FAM240B: variants seen among roughly 807,000 people sequenced by gnomAD.
The protein encoded by FAM240B is protein FAM240B.
At chr9:38,696,094 G>A (rs755095812) in intron 2 of FAM240B, among the ~76,000 whole-genome samples, 1 of 152,120 alleles carries the variant, frequency 6.6e-6, no homozygotes, top group South Asian at 2.1e-4. Context: ...AACTCTGCTC[G>A]ATTATGGGCC....
intron 2 of FAM240B, among the ~76,000 whole-genome samples, chr9:38,702,585 G>A (rs1329163015): frequency 1.3e-5 from 2 of 152,198 alleles, no homozygotes; most frequent in South Asian, 2.1e-4. Flanking sequence ...GGCATTTGAC[G>A]TGTGAGGGTA....
intron 1 of FAM240B, among the ~76,000 whole-genome samples, chr9:38,704,670 C>G (rs1160146186): frequency 6.6e-6 from 1 of 152,124 alleles, no homozygotes; most frequent in Non-Finnish European, 1.5e-5. Context: ...TGGCCAACAC[C>G]CAGTAAACAG....
intron 1 of FAM240B, among the ~76,000 whole-genome samples, chr9:38,709,372 GC>G (rs1281388665): frequency 1.3e-5 from 2 of 152,152 alleles, no homozygotes; most frequent in African/African-American, 4.8e-5. Flanking sequence ...AGAATTGATA[GC>G]AATTTTAGAA....
At chr9:38,695,967 C>G (rs1587587729) in intron 2 of FAM240B, among the ~76,000 whole-genome samples, 1 of 152,192 alleles carries the variant, frequency 6.6e-6, no homozygotes, top group Non-Finnish European at 1.5e-5. Context: ...ACAAATGGTG[C>G]TGGAACATTA....
intron 1 of FAM240B, among the ~76,000 whole-genome samples, chr9:38,712,628 C>T (rs1457717967): frequency 1.3e-5 from 2 of 152,158 alleles, no homozygotes; most frequent in East Asian, 3.8e-4. Context: ...TTTCACAGCA[C>T]CCAGAATGTC....
chr9:38,715,148 C>T (rs1456555862), intron 1 of FAM240B, among the ~76,000 whole-genome samples: 1 of 152,146 alleles, frequency 6.6e-6, no homozygotes, highest in Admixed American at 6.5e-5. Context: ...GCATTGTTTG[C>T]CTGAGGAACA....
chr9:38,700,986 TA>T (rs1275697774), intron 2 of FAM240B, among the ~76,000 whole-genome samples: 1 of 152,228 alleles, frequency 6.6e-6, no homozygotes, highest in African/African-American at 2.4e-5. Flanking sequence ...GAGAGGAACG[TA>T]AGACATTACT....
rs756368433 is a variant in FAM240B, at chr9:38,704,016, G to C, written c.-3-14C>G. On this transcript the variant is annotated splice_polypyrimidine_tract_variant and intron_variant, in intron 1 of 2. Coordinates refer to ENST00000637493, the MANE Select transcript of FAM240B (RefSeq NM_001394922.1). The stretch of plus-strand genomic sequence containing the variant: ...ATTGTTCATCCCCTGAAATATACAA[G>C]TAAAGCAAATCCCACTTCTTTAAAT... The C allele has an allele frequency of 1.4e-5, 5 of 352,438 alleles. No homozygotes were observed. The Admixed American group carries it at 2.4e-4, about 17-fold the overall frequency. 21.8% of individuals were successfully genotyped at this position (352,438 alleles called of 1,614,324 possible). A position where few individuals can be genotyped will look rare whatever the true frequency, so the allele number is the denominator to read the frequency against.
intron 2 of FAM240B, among the ~76,000 whole-genome samples, chr9:38,702,752 A>C (rs1401315429): frequency 6.6e-6 from 1 of 150,632 alleles, no homozygotes; most frequent in Non-Finnish European, 1.5e-5. Context: ...GAATCTTGGT[A>C]CATATTATCC....
chr9:38,700,905 C>G (rs1821118416), intron 2 of FAM240B, among the ~76,000 whole-genome samples: 1 of 152,208 alleles, frequency 6.6e-6, no homozygotes, highest in African/African-American at 2.4e-5. Flanking sequence ...AGTCACTGAA[C>G]CCACAGGTGT....
At chr9:38,714,411 G>A (rs956659855) in intron 1 of FAM240B, among the ~76,000 whole-genome samples, 2 of 152,188 alleles carry the variant, frequency 1.3e-5, no homozygotes, top group African/African-American at 4.8e-5. Flanking sequence ...AATTACTGTG[G>A]TGGTTTTAAC....
chr9:38,710,668 G>T, intron 1 of FAM240B, among the ~76,000 whole-genome samples: 1 of 151,820 alleles, frequency 6.6e-6, no homozygotes, highest in South Asian at 2.1e-4. Flanking sequence ...TTCAGAAATG[G>T]AGCAGGTCTG....
Position 38,707,472 on chromosome 9 carries a change from T to C in FAM240B, c.-3-3470A>G, listed in dbSNP as rs72721514. ...TCTACACACCCAAGGAGTAAATTAA[T>C]TCAGGGTGAACCTGGGCCAGACGTG... On this transcript the variant is annotated intron_variant, in intron 1 of 2. Coordinates refer to ENST00000637493, the MANE Select transcript of FAM240B (RefSeq NM_001394922.1). 5.2e-3 allele frequency among the ~76,000 whole-genome samples: 788 copies of C among 152,000 alleles called. 5 individuals are homozygous for C. Among genetic ancestry groups the C allele is most frequent in the Non-Finnish European group, 9.1e-3 (615 of 67,924 alleles).
chr9:38,717,512 G>A (rs919327049), intron 1 of FAM240B, among the ~76,000 whole-genome samples: 4 of 152,146 alleles, frequency 2.6e-5, no homozygotes, highest in Non-Finnish European at 5.9e-5. Context: ...AAGGAGTCTC[G>A]CTCTGTTGCC....
chr9:38,717,079 ACT>A (rs1554688839), intron 1 of FAM240B, among the ~76,000 whole-genome samples: 1 of 152,084 alleles, frequency 6.6e-6, no homozygotes, highest in Non-Finnish European at 1.5e-5. Context: ...AGAACGGCAC[ACT>A]CGGCACCCTC....
chr9:38,708,032 G>T (rs1356248828), intron 1 of FAM240B, among the ~76,000 whole-genome samples: 1 of 152,128 alleles, frequency 6.6e-6, no homozygotes, highest in Non-Finnish European at 1.5e-5. Flanking sequence ...ACTGGGAGCA[G>T]TGGCACTAGG....
chr9:38,716,824 A>C (rs533099033), intron 1 of FAM240B, among the ~76,000 whole-genome samples: 153 of 152,318 alleles, frequency 1.0e-3, no homozygotes, highest in Middle Eastern at 3.4e-3. Flanking sequence ...TGACTTCCCA[A>C]AATAGCTGCG....
chr9:38,716,725 C>T (rs776934018), intron 1 of FAM240B, among the ~76,000 whole-genome samples: 7 of 152,184 alleles, frequency 4.6e-5, no homozygotes, highest in Non-Finnish European at 8.8e-5. Context: ...AGTCCAGTGG[C>T]TATTTGGCCT....
intron 1 of FAM240B, chr9:38,705,663 G>T (rs1390079871): frequency 1.3e-5 from 2 of 151,434 alleles, no homozygotes; most frequent in Admixed American, 6.6e-5. Context: ...GGAATAATTT[G>T]TATTTTATTT....
Sources: gnomAD v4.1 joint callset for allele counts (sites outside exome capture counted in the v4.1 genomes callset) on GRCh38, gnomAD v4.1.1 for gene constraint, MANE v1.5 for transcripts, NCBI Gene and HGNC (gene_info 2026-07-23, HGNC 2026-07-21) for gene names.